SERPINB9: variants seen among roughly 807,000 people sequenced by gnomAD.
SERPINB9 encodes serpin family B member 9, also known as serpin B9.
SERPINB9 carries 20 observed loss-of-function variants against 27.2 expected under a neutral mutation model. The observed-to-expected ratio is 0.74, with a 90% CI of 0.52 to 1.07. The LOEUF (loss-of-function observed/expected upper bound fraction) is 1.07. Ranked by LOEUF, SERPINB9 falls within the 50% of genes least tolerant of loss-of-function variation. The pLI, the probability that SERPINB9 is intolerant of heterozygous loss-of-function variation, is 0.00. For synonymous variants in SERPINB9, 189 were observed against 180.0 expected, an observed-to-expected ratio of 1.05 and a Z score of -0.40; for missense variants, 476 against 460.1, an observed-to-expected ratio of 1.03 and a Z score of -0.32.
In SERPINB9 at chr6:2,903,048, C is replaced by T. The variant is rs929587623; in HGVS notation, c.-11+153G>A. 2.0e-5 allele frequency among the ~76,000 whole-genome samples: 3 copies of T among 150,660 alleles called. No homozygotes were observed. The highest frequency in any genetic ancestry group is 7.3e-5 in the African/African-American group (3 of 40,860). ...CCGCTCCCAGGCACCCCCCAGAGAC[C>T]GTTGCTGACCCCACCGAGAAGGCAC... On this transcript the variant is annotated intron_variant, in intron 1 of 6. Coordinates refer to ENST00000380698, the MANE Select transcript of SERPINB9 (RefSeq NM_004155.6). The surrounding 1 kb of genome is among the most constrained non-coding windows in gnomAD (Gnocchi z 5.2).
intron 5 of SERPINB9, among the ~76,000 whole-genome samples, chr6:2,892,290 C>T (rs886317691): frequency 6.6e-6 from 1 of 151,624 alleles, no homozygotes; most frequent in African/African-American, 2.4e-5. Flanking sequence ...TCTAAGAAAG[C>T]AATATAATCA....
chr6:2,890,289 G>A lies in SERPINB9; in HGVS notation c.1005C>T (p.Cys335=). 2 of 1,614,216 alleles carry A rather than the reference G, an allele frequency of 1.2e-6. No homozygotes were observed. The highest frequency in any genetic ancestry group is 1.7e-6 in the Non-Finnish European group (2 of 1,180,040). The change falls in exon 7 of 7, where the codon TGC becomes TGT. Residue 335 remains cysteine, a synonymous_variant. Transcript: ENST00000380698. The surrounding 1 kb of genome is among the most constrained non-coding windows in gnomAD (Gnocchi z 6.2). ...CCATGCAGCACTCTGCAACTACAAA[G>A]CAGCTCGACGCTGCCGCTGCCTCGG... ...EGTEAAAASS[C]FVVAECCMES... is the part of the protein sequence containing the mutation.
At chr6:2,895,211 T>C (rs928836053) in intron 4 of SERPINB9, among the ~76,000 whole-genome samples, 180 bp downstream of exon 4, 1 of 151,964 alleles carries the variant, frequency 6.6e-6, no homozygotes, top group Non-Finnish European at 1.5e-5. Flanking sequence ...ACTCTGACCA[T>C]CTGAAACACC....
At chr6:2,900,885 T>TCTCTCTCTCTCACACACACACACACA (rs61100591) in intron 1 of SERPINB9, among the ~76,000 whole-genome samples, 4 of 141,574 alleles carry the variant, frequency 2.8e-5, no homozygotes, top group African/African-American at 8.4e-5. Flanking sequence ...GCTCGCTCTC[T>TCTCTCTCTCTCACACACACACACACA]CACACACACA....
chr6:2,890,087 C>T lies in SERPINB9; in HGVS notation c.*76G>A. The T allele has an allele frequency of 6.8e-7, 1 of 1,464,252 alleles. No homozygotes were observed. Among genetic ancestry groups the T allele is most frequent in the Non-Finnish European group, 9.2e-7 (1 of 1,082,170 alleles). 90.7% of individuals were successfully genotyped at this position (1,464,252 alleles called of 1,614,324 possible). On this transcript the variant is annotated 3_prime_UTR_variant, in exon 7 of 7. Transcript: ENST00000380698. This position sits in a 1 kb window ranked among gnomAD's most constrained non-coding sequence, Gnocchi z 6.2. ...ATCTTTGCACTTGGCTTTCTAGGCC[C>T]ATCCTCTTGGAGCTGTAGTGGGGAT...
intron 1 of SERPINB9, among the ~76,000 whole-genome samples, chr6:2,901,181 C>CCTGGACAG (rs1768188779): frequency 6.6e-6 from 1 of 152,158 alleles, no homozygotes; most frequent in Non-Finnish European, 1.5e-5. Context: ...GTGAGTGCGT[C>CCTGGACAG]CTGGACAGCC....
In SERPINB9 at chr6:2,900,431, C is replaced by A; in HGVS notation, c.168+13G>T. ...CAGGCCAGTCCCTGCTCCTGGCGGA[C>A]GGGCAAGCTTACCTGGGCCATCTGG... On this transcript the variant is annotated intron_variant, in intron 2 of 6. Transcript: ENST00000380698. 6.2e-7 allele frequency: 1 copy of A among 1,612,878 alleles called. No individual in the cohort carries two copies. Among genetic ancestry groups the A allele is most frequent in the Non-Finnish European group, 8.5e-7 (1 of 1,179,490 alleles).
intron 4 of SERPINB9, among the ~76,000 whole-genome samples, chr6:2,893,981 G>A (rs191705093): frequency 7.9e-5 from 12 of 152,200 alleles, no homozygotes; most frequent in Admixed American, 5.2e-4. Context: ...GGCTCAAAGC[G>A]GGAAGAGCTG....
chr6:2,897,013 C>G (rs940255432), intron 2 of SERPINB9, among the ~76,000 whole-genome samples: 13 of 151,294 alleles, frequency 8.6e-5, no homozygotes, highest in African/African-American at 2.9e-4. Context: ...GTGGTCCCAG[C>G]TACTTGGAAG....
chr6:2,903,025 G>A lies in SERPINB9; in HGVS notation c.-11+176C>T, dbSNP rs1165709169. On this transcript the variant is annotated intron_variant, in intron 1 of 6. Transcript: ENST00000380698. This position sits in a 1 kb window ranked among gnomAD's most constrained non-coding sequence, Gnocchi z 5.2. ...GCCGCCAAGGCGGAGACCGGCTGCC[G>A]CTCCCAGGCACCCCCCAGAGACCGT... is the stretch of plus-strand genomic sequence containing the variant. Among the ~76,000 whole-genome samples, 4 of 152,136 alleles carry A rather than the reference G, an allele frequency of 2.6e-5. No individual in the cohort carries two copies. Among genetic ancestry groups the A allele is most frequent in the Non-Finnish European group, 2.9e-5 (2 of 68,004 alleles).
chr6:2,892,083 A>C, intron 5 of SERPINB9, 95 bp from the exon 6 acceptor site: 1 of 773,348 alleles, frequency 1.3e-6, no homozygotes, highest in East Asian at 3.8e-5. Flanking sequence ...GGAAACCGCC[A>C]CATTCATGCC....
chr6:2,895,983 T>C, intron 3 of SERPINB9, 70 bp downstream of exon 3: 1 of 1,467,022 alleles, frequency 6.8e-7, no homozygotes. Context: ...TTCTCTAGGG[T>C]CTTTCTCCCA....
chr6:2,903,146 C>T lies in SERPINB9; in HGVS notation c.-11+55G>A, dbSNP rs1424536516. On this transcript the variant is annotated intron_variant, in intron 1 of 6. Transcript: ENST00000380698. This position sits in a 1 kb window ranked among gnomAD's most constrained non-coding sequence, Gnocchi z 5.2. ...CCATCACTCGGTGGCAGCCGGTGGA[C>T]CTGAAGCTCGCCACTCCCGTCCCCT... 1 of 152,138 alleles carries T rather than the reference C, an allele frequency of 6.6e-6. No homozygotes were observed. Among genetic ancestry groups the T allele is most frequent in the Non-Finnish European group, 1.5e-5 (1 of 68,092 alleles). The allele number at this position is 152,138 out of a possible 1,614,324, so 9.4% of individuals were successfully genotyped here.
intron 4 of SERPINB9, among the ~76,000 whole-genome samples, chr6:2,895,101 A>C (rs1767948905): frequency 6.6e-6 from 1 of 152,184 alleles, no homozygotes; most frequent in Non-Finnish European, 1.5e-5. Context: ...GGGAGAATAG[A>C]CAAAAGTAAA....
intron 1 of SERPINB9, 47 bp from the exon 2 acceptor site, chr6:2,900,668 T>C: frequency 2.6e-6 from 4 of 1,544,970 alleles, no homozygotes; most frequent in Non-Finnish European, 3.6e-6. Context: ...ACTCCCTGAA[T>C]GTTACTGACC....
chr6:2,887,949 C>A lies in SERPINB9; in HGVS notation c.*2214G>T, dbSNP rs1025162841. ...TGTACTTCACTTTGTTTTCATTCCT[C>A]CTCTAAAGCTTTTTAACAAACTGTC... On this transcript the variant is annotated 3_prime_UTR_variant, in exon 7 of 7. Coordinates refer to ENST00000380698, the MANE Select transcript of SERPINB9 (RefSeq NM_004155.6). The A allele has an allele frequency of 3.3e-5, 5 of 151,930 alleles. No individual in the cohort carries two copies. The highest frequency in any genetic ancestry group is 5.9e-5 in the Non-Finnish European group (4 of 68,004). The allele number at this position is 151,930 out of a possible 1,614,324, so 9.4% of individuals were successfully genotyped here. A position where few individuals can be genotyped will look rare whatever the true frequency, so the allele number is the denominator to read the frequency against.
rs148281638 is a variant in SERPINB9, at chr6:2,890,601, C to T, written c.724-31G>A. Reference sequence around the variant, plus strand: ...AGACCAGAATTAGACTTTAAGATTCCGACTTCAGTGCACATGTACAAGCGC... The same window carrying T: ...AGACCAGAATTAGACTTTAAGATTCTGACTTCAGTGCACATGTACAAGCGC... On this transcript the variant is annotated intron_variant, in intron 6 of 6. Coordinates refer to ENST00000380698, the MANE Select transcript of SERPINB9 (RefSeq NM_004155.6). The surrounding 1 kb of genome is among the most constrained non-coding windows in gnomAD (Gnocchi z 6.2). The T allele has an allele frequency of 9.5e-6, 15 of 1,582,796 alleles. No homozygotes were observed. Among genetic ancestry groups the T allele is most frequent in the East Asian group, 2.2e-5 (1 of 44,474 alleles).
chr6:2,893,053 C>CTT lies in SERPINB9; in HGVS notation c.567+356_567+357dup, dbSNP rs5873846. On this transcript the variant is annotated intron_variant, in intron 5 of 6. Transcript: ENST00000380698. Reference sequence around the variant, plus strand: ...TCCCACATATCACACTACCTTAACACTTTTTTTTTTTTTTTTTTGCTTTCT... The same window carrying CTT: ...TCCCACATATCACACTACCTTAACACTTTTTTTTTTTTTTTTTTTTGCTTTCT... Among the ~76,000 whole-genome samples the CTT allele has an allele frequency of 3.6e-3, 413 of 113,502 alleles. 4 individuals carry two copies. Among genetic ancestry groups the CTT allele is most frequent in the African/African-American group, 0.013 (402 of 30,672 alleles). 74.5% of individuals were successfully genotyped at this position (113,502 alleles called of 152,430 possible).
Position 2,900,626 on chromosome 6 carries a change from A to G in SERPINB9, c.-10-5T>C, listed in dbSNP as rs779479178. On this transcript the variant is annotated splice_region_variant and splice_polypyrimidine_tract_variant and intron_variant, in intron 1 of 6. Coordinates refer to ENST00000380698, the MANE Select transcript of SERPINB9 (RefSeq NM_004155.6). ...AGAGTTTCCATGATGCAGGGCCTGG[A>G]AGGGAAGAATAAAGAGAAATGCAGT... The G allele has an allele frequency of 2.3e-5, 37 of 1,613,102 alleles. No homozygotes were observed. The highest frequency in any genetic ancestry group is 3.1e-5 in the Non-Finnish European group (37 of 1,179,300).
Sources: allele counts gnomAD v4.1 joint callset (sites outside exome capture counted in the v4.1 genomes callset), GRCh38; gene constraint gnomAD v4.1.1; non-coding constraint Gnocchi (gnomAD v3.1); transcripts MANE v1.5; gene names NCBI Gene and HGNC (gene_info 2026-07-23, HGNC 2026-07-21).